Variants in PLAGL1 observed in about 807,000 individuals in gnomAD.
The protein encoded by PLAGL1 is zinc finger protein PLAGL1.
PLAGL1 carries 1 observed loss-of-function variant against 4.6 expected under a neutral mutation model. The ratio of observed to expected loss-of-function variants is 0.22; its 90% CI spans 0.08 to 1.03. PLAGL1 has a LOEUF of 1.03. PLAGL1 is among the 50% of genes least tolerant of loss of function. The pLI, the probability that PLAGL1 is intolerant of heterozygous loss-of-function variation, is 0.58. For missense variants in PLAGL1, 464 were observed against 570.4 expected (o/e 0.81, Z 1.90); for synonymous variants, 240 against 237.8 (o/e 1.01, Z -0.08).
chr6:144,039,324 C>T lies in PLAGL1; in HGVS notation c.-151+25144G>A, dbSNP rs895088327. ...TGCTGGCCAGATGCAGTGGCTCACA[C>T]CTGTAATCTCAACACTTTGGGAGGC... is the stretch of plus-strand genomic sequence containing the variant. On this transcript the variant is annotated intron_variant, in intron 1 of 3. Coordinates refer to the PLAGL1 transcript ENST00000437412. The surrounding 1 kb of genome is among the most constrained non-coding windows in gnomAD (Gnocchi z 4.1). Among the ~76,000 whole-genome samples, 1 of 152,126 alleles carries T rather than the reference C, an allele frequency of 6.6e-6. No homozygotes were observed. The highest frequency in any genetic ancestry group is 1.5e-5 in the Non-Finnish European group (1 of 68,020).
chr6:143,965,501 G>A lies in PLAGL1; in HGVS notation c.-431+657C>T, dbSNP rs1310709739. 1 of 152,220 alleles carries A rather than the reference G, an allele frequency of 6.6e-6. No individual in the cohort carries two copies. The highest frequency in any genetic ancestry group is 2.4e-5 in the African/African-American group (1 of 41,440). The allele number at this position is 152,220 out of a possible 1,614,324, so 9.4% of individuals were successfully genotyped here. A position where few individuals can be genotyped will look rare whatever the true frequency, so the allele number is the denominator to read the frequency against. On this transcript the variant is annotated intron_variant, in intron 4 of 7. Coordinates refer to ENST00000674357, the MANE Select transcript of PLAGL1 (RefSeq NM_001317162.2). This position sits in a 1 kb window ranked among gnomAD's most constrained non-coding sequence, Gnocchi z 7.5. ...CATGTCAAGGGAGAAGATGACCTGG[G>A]AAAGGAGTTGCCCAGGGAGCAAGTG...
In PLAGL1 at chr6:144,039,612, A is replaced by AT; in HGVS notation, c.-151+24855dup. ...AAAATAAAATCAAATAAAATATCAC[A>AT]TGCCATTTTACACCCCAAAAATGAA... On this transcript the variant is annotated intron_variant, in intron 1 of 3. Coordinates refer to the PLAGL1 transcript ENST00000437412. This position sits in a 1 kb window ranked among gnomAD's most constrained non-coding sequence, Gnocchi z 4.1. 6.6e-6 allele frequency among the ~76,000 whole-genome samples: 1 copy of AT among 152,202 alleles called. No homozygotes were observed. The highest frequency in any genetic ancestry group is 2.4e-5 in the African/African-American group (1 of 41,532).
At position 144,003,209 on chromosome 6, in the gene PLAGL1, T is replaced by C. The variant is rs1366188432; in HGVS notation, c.-584+4881A>G. 3.3e-5 allele frequency among the ~76,000 whole-genome samples: 5 copies of C among 152,094 alleles called. No homozygotes were observed. In the East Asian group the frequency reaches 7.7e-4, roughly 23 times the overall value. On this transcript the variant is annotated intron_variant, in intron 1 of 7. Transcript: ENST00000674357. The stretch of plus-strand genomic sequence containing the variant: ...AATGTGTAGAGTAGATGGATGTCCA[T>C]ATACAAAATAAATCTTGATCCCCCC...
In PLAGL1 at chr6:143,970,120, C is replaced by T. The variant is rs1785148983; in HGVS notation, c.-543-1142G>A. On this transcript the variant is annotated intron_variant, in intron 2 of 7. Coordinates refer to ENST00000674357, the MANE Select transcript of PLAGL1 (RefSeq NM_001317162.2). This position sits in a 1 kb window ranked among gnomAD's most constrained non-coding sequence, Gnocchi z 5.8. ...TACTTGAGCACCAACCCTAAGTAAC[C>T]TCCTTCTCTGAGTAGCCCACATTTG... is the stretch of plus-strand genomic sequence containing the variant. Among the ~76,000 whole-genome samples the T allele has an allele frequency of 6.6e-6, 1 of 152,186 alleles. No individual in the cohort carries two copies. The highest frequency in any genetic ancestry group is 2.4e-5 in the African/African-American group (1 of 41,440).
intron 1 of PLAGL1, among the ~76,000 whole-genome samples, chr6:144,021,045 A>AG (rs1401196471): frequency 6.6e-6 from 1 of 151,868 alleles, no homozygotes; most frequent in African/African-American, 2.4e-5. Context: ...TCTTCCAGCC[A>AG]GTAAATAATA....
At position 144,016,052 on chromosome 6, in the gene PLAGL1, ATAT is replaced by A. The variant is rs942627089; in HGVS notation, c.-150-47077_-150-47075del. ...AACACTGTGCGGAGTCAAAGAAATC[ATAT>A]TGTATTAGTCAGGGTTCTCTAGAGG... On this transcript the variant is annotated intron_variant, in intron 1 of 3. Coordinates refer to the PLAGL1 transcript ENST00000437412. The surrounding 1 kb of genome is among the most constrained non-coding windows in gnomAD (Gnocchi z 4.2). Among the ~76,000 whole-genome samples the A allele has an allele frequency of 6.6e-6, 1 of 152,204 alleles. No homozygotes were observed. The highest frequency in any genetic ancestry group is 6.5e-5 in the Admixed American group (1 of 15,284).
rs1231598226 is a variant in PLAGL1 at position 143,989,994 on chromosome 6, G to A, written c.-583-4820C>T. Among the ~76,000 whole-genome samples the A allele has an allele frequency of 6.6e-6, 1 of 152,076 alleles. No homozygotes were observed. Among genetic ancestry groups the A allele is most frequent in the Non-Finnish European group, 1.5e-5 (1 of 68,022 alleles). On this transcript the variant is annotated intron_variant, in intron 1 of 7. Coordinates refer to ENST00000674357, the MANE Select transcript of PLAGL1 (RefSeq NM_001317162.2). The surrounding 1 kb of genome is among the most constrained non-coding windows in gnomAD (Gnocchi z 4.8). ...CAGAAACTTCCCCATATCCACAGGA[G>A]GATGCACCCTCCCTAAAACCAGAGG...
At chr6:144,020,829 TA>T (rs1583738022) in intron 1 of PLAGL1, among the ~76,000 whole-genome samples, 3 of 145,632 alleles carry the variant, frequency 2.1e-5, no homozygotes, top group Non-Finnish European at 4.5e-5. Flanking sequence ...TTATATTATA[TA>T]TAATATAATA....
Position 143,968,078 on chromosome 6 carries a change from T to C in PLAGL1, c.-472+829A>G, listed in dbSNP as rs949730060. On this transcript the variant is annotated intron_variant, in intron 3 of 7. Transcript: ENST00000674357. The surrounding 1 kb of genome is among the most constrained non-coding windows in gnomAD (Gnocchi z 6.3). ...AACAGCACTGCAGCTGCAAAAGAAG[T>C]GAGGGCTGCTTTAGGGTGACATGGC... The C allele has an allele frequency of 2.1e-5, 3 of 142,474 alleles. No homozygotes were observed. Among genetic ancestry groups the C allele is most frequent in the Non-Finnish European group, 3.0e-5 (2 of 66,636 alleles). The allele number at this position is 142,474 out of a possible 1,614,324, so 8.8% of individuals were successfully genotyped here. A position where few individuals can be genotyped will look rare whatever the true frequency, so the allele number is the denominator to read the frequency against.
Position 143,958,396 on chromosome 6 carries a change from A to G in PLAGL1, c.-325+2073T>C. The stretch of plus-strand genomic sequence containing the variant: ...GGCAGTTTTAAAGTAACGTGCAGTA[A>G]CTTTTCAAGCTCGATGTAGAAATAT... On this transcript the variant is annotated intron_variant, in intron 6 of 7. Coordinates refer to ENST00000674357, the MANE Select transcript of PLAGL1 (RefSeq NM_001317162.2). The surrounding 1 kb of genome is among the most constrained non-coding windows in gnomAD (Gnocchi z 5.1). 6.6e-6 allele frequency among the ~76,000 whole-genome samples: 1 copy of G among 152,314 alleles called. No homozygotes were observed. Among genetic ancestry groups the G allele is most frequent in the Non-Finnish European group, 1.5e-5 (1 of 68,010 alleles).
rs1195838236 is a variant in PLAGL1, at chr6:143,966,180, C to G, written c.-453G>C. On this transcript the variant is annotated 5_prime_UTR_variant, in exon 4 of 8. Coordinates refer to ENST00000674357, the MANE Select transcript of PLAGL1 (RefSeq NM_001317162.2). The surrounding 1 kb of genome is among the most constrained non-coding windows in gnomAD (Gnocchi z 6.0). ...TGCCTGTTTGGAATTCTTCAATGGT[C>G]CCATTAGGTTTCTGTCGACTGCAAC... The G allele has an allele frequency of 6.6e-6, 1 of 152,156 alleles. No homozygotes were observed. The highest frequency in any genetic ancestry group is 1.5e-5 in the Non-Finnish European group (1 of 68,026). The allele number at this position is 152,156 out of a possible 1,614,324, so 9.4% of individuals were successfully genotyped here.
rs1788402360 is a variant in PLAGL1, at chr6:143,983,561, G to GCA, written c.-544+1572_-544+1573dup. Among the ~76,000 whole-genome samples the GCA allele has an allele frequency of 2.0e-5, 3 of 152,140 alleles. No homozygotes were observed. Among genetic ancestry groups the GCA allele is most frequent in the Admixed American group, 1.3e-4 (2 of 15,262 alleles). On this transcript the variant is annotated intron_variant, in intron 2 of 7. Coordinates refer to ENST00000674357, the MANE Select transcript of PLAGL1 (RefSeq NM_001317162.2). This position sits in a 1 kb window ranked among gnomAD's most constrained non-coding sequence, Gnocchi z 6.6. ...TATCTTTCTCCAGCTACGTTCAGCT[G>GCA]CACTGCTGCAGGCATGGAATCAGCA... is the stretch of plus-strand genomic sequence containing the variant.
In PLAGL1 at chr6:143,942,584, T is replaced by A; in HGVS notation, c.232A>T (p.Lys78Ter). 1 of 1,614,130 alleles carries A rather than the reference T, an allele frequency of 6.2e-7. No homozygotes were observed. Among genetic ancestry groups the A allele is most frequent in the Non-Finnish European group, 8.5e-7 (1 of 1,180,022 alleles). Reference sequence around the variant, plus strand: ...GGGTCGTGGGTCTGGAGGTGGTTTTTCAGGTGGTCTTTCCGGTTGAACGTC... The same window carrying A: ...GGGTCGTGGGTCTGGAGGTGGTTTTACAGGTGGTCTTTCCGGTTGAACGTC... ...EKTFNRKDHL[K>*]NHLQTHDPNK... is the part of the protein sequence containing the mutation. Residue 78 changes from lysine (K) to a stop codon, truncating the protein, a stop_gained, in exon 8 of 8, where the codon AAA becomes TAA. Coordinates refer to ENST00000674357, the MANE Select transcript of PLAGL1 (RefSeq NM_001317162.2). LOFTEE classifies it low-confidence loss of function (END_TRUNC). This position sits in a 1 kb window ranked among gnomAD's most constrained non-coding sequence, Gnocchi z 7.6.
upstream of PLAGL1, among the ~76,000 whole-genome samples, chr6:144,012,300 CCTCCCGGGTTCAAGCAATT>C (rs1795242537): frequency 6.6e-6 from 1 of 152,070 alleles, no homozygotes; most frequent in Admixed American, 6.6e-5. This position sits in a 1 kb window ranked among gnomAD's most constrained non-coding sequence, Gnocchi z 4.8. Context: ...CCGCAACCTG[CCTCCCGGGTTCAAGCAATT>C]CTCCTGTCTC....
At chr6:144,032,601 A>G (rs1796915253) in intron 1 of PLAGL1, among the ~76,000 whole-genome samples, 1 of 151,684 alleles carries the variant, frequency 6.6e-6, no homozygotes, top group Admixed American at 6.6e-5. Context: ...TTGGTTTGTC[A>G]CTCAGGCTGG....
rs903314505 is a variant in PLAGL1, at chr6:143,950,219, C to T, written c.-324-1759G>A. 7.2e-5 allele frequency among the ~76,000 whole-genome samples: 11 copies of T among 152,162 alleles called. No individual in the cohort carries two copies. Among genetic ancestry groups the T allele is most frequent in the East Asian group, 3.9e-4 (2 of 5,194 alleles). The stretch of plus-strand genomic sequence containing the variant: ...CCTTGGCACCACACCTTCTTTGTGA[C>T]GGCTGTGATTCTAGCAGCACACACA... On this transcript the variant is annotated intron_variant, in intron 6 of 7. Coordinates refer to ENST00000674357, the MANE Select transcript of PLAGL1 (RefSeq NM_001317162.2). The surrounding 1 kb of genome is among the most constrained non-coding windows in gnomAD (Gnocchi z 6.3).
chr6:143,950,256 T>C lies in PLAGL1; in HGVS notation c.-324-1796A>G, dbSNP rs1780758202. 2.0e-5 allele frequency among the ~76,000 whole-genome samples: 3 copies of C among 152,268 alleles called. No homozygotes were observed. The South Asian group carries it at 6.2e-4, about 32-fold the overall frequency. On this transcript the variant is annotated intron_variant, in intron 6 of 7. Coordinates refer to ENST00000674357, the MANE Select transcript of PLAGL1 (RefSeq NM_001317162.2). This position sits in a 1 kb window ranked among gnomAD's most constrained non-coding sequence, Gnocchi z 6.3. Reference sequence around the variant, plus strand: ...TAGCAGCACACACAACCTCTGCAATTATGTGTGACTTTAACTAATTACCTG... The same window carrying C: ...TAGCAGCACACACAACCTCTGCAATCATGTGTGACTTTAACTAATTACCTG...
At position 143,959,016 on chromosome 6, in the gene PLAGL1, C is replaced by T. The variant is rs1280653326; in HGVS notation, c.-325+1453G>A. ...GGAGGAATGTGAACTCTCTGAGTAGCTGTCCTTGCAATCCACATGTGTGGT... is the reference window on the plus strand; with the variant it reads ...GGAGGAATGTGAACTCTCTGAGTAGTTGTCCTTGCAATCCACATGTGTGGT... On this transcript the variant is annotated intron_variant, in intron 6 of 7. Transcript: ENST00000674357. The surrounding 1 kb of genome is among the most constrained non-coding windows in gnomAD (Gnocchi z 5.3). Among the ~76,000 whole-genome samples the T allele has an allele frequency of 6.6e-6, 1 of 152,228 alleles. No individual in the cohort carries two copies. Among genetic ancestry groups the T allele is most frequent in the Non-Finnish European group, 1.5e-5 (1 of 68,030 alleles).
chr6:144,037,094 T>C (rs1248226978), intron 1 of PLAGL1: 1 of 156,546 alleles, frequency 6.4e-6, no homozygotes, highest in African/African-American at 2.4e-5. Context: ...TAATTAAGTA[T>C]ACATGTAAAG....
Sources: gnomAD v4.1 joint callset for allele counts (sites outside exome capture counted in the v4.1 genomes callset) on GRCh38, gnomAD v4.1.1 for gene constraint, Gnocchi (gnomAD v3.1) non-coding constraint, MANE v1.5 for transcripts, NCBI Gene and HGNC (gene_info 2026-07-23, HGNC 2026-07-21) for gene names.